CDH13: variants seen among roughly 807,000 people sequenced by gnomAD.
The protein encoded by CDH13 is cadherin 13.
A neutral mutation model predicts 63.8 loss-of-function variants in CDH13; 24 were observed. That is an observed-to-expected ratio of 0.38 (90% CI 0.27 to 0.53). The LOEUF (loss-of-function observed/expected upper bound fraction) is 0.53. CDH13 is among the 20% of genes least tolerant of loss of function. The probability of loss-of-function intolerance (pLI) is 0.85; values close to 1 mark genes in which losing one functional copy is unlikely to be tolerated. For missense variants in CDH13, 1,049 were observed against 903.1 expected (o/e 1.16, Z -2.07); for synonymous variants, 503 against 355.3 (o/e 1.42, Z -4.67).
intron 5 of CDH13, among the ~76,000 whole-genome samples, chr16:83,234,885 A>C (rs1191757515): frequency 6.6e-6 from 1 of 152,182 alleles, no homozygotes; most frequent in East Asian, 1.9e-4. Flanking sequence ...CCCAAGCTCC[A>C]CACACTGACT....
At chr16:82,735,808 T>C (rs1597438359) in intron 1 of CDH13, among the ~76,000 whole-genome samples, 1 of 152,336 alleles carries the variant, frequency 6.6e-6, no homozygotes, top group African/African-American at 2.4e-5. Context: ...ATTTGCTGGG[T>C]AGACTCTTTA....
chr16:83,650,615 G>C (rs950056275), intron 8 of CDH13, among the ~76,000 whole-genome samples: 1 of 152,132 alleles, frequency 6.6e-6, no homozygotes, highest in Non-Finnish European at 1.5e-5. Flanking sequence ...AGCTTGGATG[G>C]TGCTACCAGC....
intron 3 of CDH13, among the ~76,000 whole-genome samples, chr16:83,101,076 C>G (rs1010933084): frequency 4.6e-5 from 7 of 152,008 alleles, no homozygotes; most frequent in Admixed American, 4.6e-4. Flanking sequence ...CTACTATATG[C>G]CAGACACTGG....
chr16:82,803,956 G>A (rs2037005996), intron 1 of CDH13, among the ~76,000 whole-genome samples: 3 of 152,128 alleles, frequency 2.0e-5, no homozygotes, highest in Admixed American at 2.0e-4. Flanking sequence ...GAGGCTGGGC[G>A]CCATGGCTGA....
At chr16:83,714,238 G>A (rs1908543902) in intron 10 of CDH13, among the ~76,000 whole-genome samples, 1 of 152,180 alleles carries the variant, frequency 6.6e-6, no homozygotes, top group Non-Finnish European at 1.5e-5. Context: ...AATGTAGAGA[G>A]GATCACGTTG....
At chr16:82,998,329 A>G (rs1424369503) in intron 2 of CDH13, among the ~76,000 whole-genome samples, 1 of 152,256 alleles carries the variant, frequency 6.6e-6, no homozygotes, top group Non-Finnish European at 1.5e-5. Flanking sequence ...ACAAAAGAGA[A>G]AGAAAGAACA....
chr16:83,733,398 G>A (rs1031822917), intron 10 of CDH13, among the ~76,000 whole-genome samples: 3 of 152,140 alleles, frequency 2.0e-5, no homozygotes, highest in African/African-American at 4.8e-5. Flanking sequence ...CCTCCATCAC[G>A]AATGCAGTCT....
chr16:83,186,105 A>G (rs1239885022), intron 4 of CDH13, among the ~76,000 whole-genome samples: 13 of 128,548 alleles, frequency 1.0e-4, no homozygotes, highest in Admixed American at 1.6e-4. Context: ...ATTTTATTTT[A>G]TTTTATTTTA....
chr16:82,878,813 T>G (rs2040594666), intron 2 of CDH13, among the ~76,000 whole-genome samples: 1 of 152,034 alleles, frequency 6.6e-6, no homozygotes, highest in South Asian at 2.1e-4. Flanking sequence ...ATTGTGCCTT[T>G]CTAGGTGTCA....
In CDH13 at chr16:83,602,460, G is replaced by A. The variant is rs1567797885; in HGVS notation, c.967G>A (p.Glu323Lys). ...TTGTGCTTGTGCTTTGTAGACTCTGGAAAATCCCAAGTATGAACTGATCAT... is the reference window on the plus strand; with the variant it reads ...TTGTGCTTGTGCTTTGTAGACTCTGAAAAATCCCAAGTATGAACTGATCAT... ...SPALLDRETL[E>K]NPKYELIIEA... Residue 323 changes from glutamate to lysine, a missense_variant, in exon 8 of 14, where the codon GAA becomes AAA. Transcript: ENST00000567109. 2.5e-6 allele frequency: 4 copies of A among 1,613,926 alleles called. No homozygotes were observed. The highest frequency in any genetic ancestry group is 1.1e-5 in the South Asian group (1 of 91,070).
chr16:83,228,700 G>A (rs1235431360), intron 5 of CDH13, among the ~76,000 whole-genome samples: 1 of 152,196 alleles, frequency 6.6e-6, no homozygotes, highest in Non-Finnish European at 1.5e-5. Flanking sequence ...GCAGTTTAGA[G>A]CAGACGAGGG....
chr16:82,913,595 A>G (rs1453168496), intron 2 of CDH13, among the ~76,000 whole-genome samples: 1 of 152,194 alleles, frequency 6.6e-6, no homozygotes, highest in South Asian at 2.1e-4. Context: ...TAAGGTGGCT[A>G]TACCACAGAG....
intron 6 of CDH13, among the ~76,000 whole-genome samples, chr16:83,461,146 G>A: frequency 6.6e-6 from 1 of 152,146 alleles, no homozygotes; most frequent in Middle Eastern, 3.4e-3. Context: ...GTGGATACAA[G>A]TGTTGACTGT....
chr16:83,062,020 G>C (rs2031598680), intron 3 of CDH13, among the ~76,000 whole-genome samples: 2 of 152,196 alleles, frequency 1.3e-5, no homozygotes, highest in African/African-American at 4.8e-5. Context: ...AAAAGGAAGA[G>C]GGAAGTATTT....
intron 3 of CDH13, among the ~76,000 whole-genome samples, chr16:83,056,256 C>G (rs1368564029): frequency 6.6e-6 from 1 of 152,132 alleles, no homozygotes; most frequent in East Asian, 1.9e-4. Flanking sequence ...TTCTCACACA[C>G]TGTAAAGCTG....
At chr16:83,315,806 T>C (rs1460849398) in intron 5 of CDH13, among the ~76,000 whole-genome samples, 1 of 152,170 alleles carries the variant, frequency 6.6e-6, no homozygotes, top group Non-Finnish European at 1.5e-5. Context: ...TGGGTGAATG[T>C]TCTTTCAGTT....
At chr16:82,938,038 A>T (rs1358573611) in intron 2 of CDH13, among the ~76,000 whole-genome samples, 1 of 152,244 alleles carries the variant, frequency 6.6e-6, no homozygotes, top group East Asian at 1.9e-4. Context: ...TAATTGAAAG[A>T]AGAAGAAAAA....
chr16:83,698,504 T>C (rs1297779013), intron 10 of CDH13, among the ~76,000 whole-genome samples: 1 of 152,222 alleles, frequency 6.6e-6, no homozygotes, highest in Non-Finnish European at 1.5e-5. Flanking sequence ...CTCAAGACAC[T>C]GCTTTCTTGG....
intron 2 of CDH13, 33 bp from the exon 3 acceptor site, chr16:83,031,977 C>G (rs1360252130): frequency 2.6e-6 from 4 of 1,526,612 alleles, no homozygotes; most frequent in East Asian, 2.4e-5. Flanking sequence ...CCAACCTACT[C>G]ATGCTCCTTC....
Sources: allele counts gnomAD v4.1 joint callset (sites outside exome capture counted in the v4.1 genomes callset), GRCh38; gene constraint gnomAD v4.1.1; transcripts MANE v1.5; gene names NCBI Gene and HGNC (gene_info 2026-07-23, HGNC 2026-07-21).